Variants in DSCAML1 observed in about 807,000 individuals in gnomAD.
DSCAML1 encodes cell adhesion molecule DSCAML1.
A neutral mutation model predicts 200.5 loss-of-function variants in DSCAML1; 38 were observed. That is an observed-to-expected ratio of 0.19 (90% CI 0.15 to 0.25). The LOEUF (loss-of-function observed/expected upper bound fraction) is 0.25. Ranked by LOEUF, DSCAML1 falls within the 10% of genes least tolerant of loss-of-function variation. DSCAML1 has a pLI of 1.00. For synonymous variants in DSCAML1, 1,215 were observed against 1,165.0 expected, an observed-to-expected ratio of 1.04 and a Z score of -0.87; for missense variants, 2,223 against 2,858.8, an observed-to-expected ratio of 0.78 and a Z score of 5.07.
At chr11:117,769,152 T>A (rs1443030152) in intron 3 of DSCAML1, among the ~76,000 whole-genome samples, 2 of 60,708 alleles carry the variant, frequency 3.3e-5, no homozygotes, top group Non-Finnish European at 6.2e-5. Flanking sequence ...TTATATATAT[T>A]TTATATATAT....
chr11:117,731,293 C>G (rs959638982), intron 3 of DSCAML1, among the ~76,000 whole-genome samples: 1 of 152,162 alleles, frequency 6.6e-6, no homozygotes, highest in Non-Finnish European at 1.5e-5. Flanking sequence ...CTCTGGTTCA[C>G]CTGAGAAGTT....
chr11:117,612,298 C>T (rs1197752418), intron 3 of DSCAML1, among the ~76,000 whole-genome samples: 1 of 152,214 alleles, frequency 6.6e-6, no homozygotes, highest in East Asian at 1.9e-4. Context: ...CTTCAGACTG[C>T]ATTATTCCCA....
At chr11:117,791,517 TG>T (rs1229543880) in intron 1 of DSCAML1, among the ~76,000 whole-genome samples, 1 of 152,230 alleles carries the variant, frequency 6.6e-6, no homozygotes, top group Non-Finnish European at 1.5e-5. Context: ...GACCAACCTT[TG>T]CCTCACCTCA....
chr11:117,564,283 T>C (rs548429997), intron 3 of DSCAML1, among the ~76,000 whole-genome samples: 48 of 152,312 alleles, frequency 3.2e-4, no homozygotes, highest in African/African-American at 6.0e-4. Flanking sequence ...GGCCAACTCA[T>C]TGCCTTCCGA....
chr11:117,536,157 C>T (rs886988215), intron 3 of DSCAML1, among the ~76,000 whole-genome samples: 18 of 152,152 alleles, frequency 1.2e-4, no homozygotes, highest in African/African-American at 3.6e-4. Context: ...TGATGTTAGT[C>T]CCCTTGGGGG....
intron 3 of DSCAML1, among the ~76,000 whole-genome samples, chr11:117,601,907 T>C (rs1591311214): frequency 6.6e-6 from 1 of 152,222 alleles, no homozygotes; most frequent in Non-Finnish European, 1.5e-5. Context: ...CAGCTGAGTA[T>C]CATCTCTCCT....
At chr11:117,797,590 G>GGGCC, upstream of DSCAML1, among the ~76,000 whole-genome samples, 1 of 150,278 alleles carries the variant, frequency 6.7e-6, no homozygotes, top group African/African-American at 2.4e-5. Context: ...AGCTTACCCG[G>GGGCC]CCCCCCCACC....
rs1565666662 is a variant in DSCAML1 at position 117,428,544 on chromosome 11, G to A, written c.5946C>T (p.Gly1982=). ...RTLAMPAPPA[G]TAPPAPGPTP... ...TGGGGCCGGGGGCTGGGGGGGCTGTGCCGGCTGGGGGGGCTGGCATGGCCA... is the reference window on the plus strand; with the variant it reads ...TGGGGCCGGGGGCTGGGGGGGCTGTACCGGCTGGGGGGGCTGGCATGGCCA... The change falls in exon 33 of 33, where the codon GGC becomes GGT. Residue 1982 remains glycine (G), a synonymous_variant. Coordinates refer to ENST00000651296, the MANE Select transcript of DSCAML1 (RefSeq NM_020693.4). The A allele has an allele frequency of 1.3e-6, 2 of 1,527,464 alleles. No homozygotes were observed. The highest frequency in any genetic ancestry group is 2.4e-5 in the East Asian group (1 of 40,934). The allele number at this position is 1,527,464 out of a possible 1,614,324, so 94.6% of individuals were successfully genotyped here.
intron 3 of DSCAML1, among the ~76,000 whole-genome samples, chr11:117,756,725 G>A (rs1346762381): frequency 1.3e-5 from 2 of 152,064 alleles, no homozygotes; most frequent in African/African-American, 2.4e-5. Flanking sequence ...GGTAGCTGGT[G>A]AAAAACCCGG....
intron 19 of DSCAML1, among the ~76,000 whole-genome samples, chr11:117,453,746 C>CTTTT (rs138176049): frequency 1.4e-4 from 19 of 138,158 alleles, no homozygotes; most frequent in South Asian, 2.4e-4. Context: ...TTCTTTCTTT[C>CTTTT]TTTTTTTTTT....
intron 3 of DSCAML1, among the ~76,000 whole-genome samples, chr11:117,771,455 C>T (rs1729562254): frequency 6.6e-6 from 1 of 152,176 alleles, no homozygotes; most frequent in Admixed American, 6.5e-5. Context: ...AGATCTGTTG[C>T]CCTTCAGAGG....
In DSCAML1 at chr11:117,651,719, A is replaced by T. The variant is rs556005674; in HGVS notation, c.512-119197T>A. On this transcript the variant is annotated intron_variant, in intron 3 of 32. Coordinates refer to ENST00000651296, the MANE Select transcript of DSCAML1 (RefSeq NM_020693.4). ...AGAGCAAGACTCTGTCTCAAAAAAA[A>T]AAAAAAAAAAAAAAAAAAAGAATGA... Among the ~76,000 whole-genome samples, 254 of 145,798 alleles carry T rather than the reference A, an allele frequency of 1.7e-3. 2 individuals are homozygous for T. The highest frequency in any genetic ancestry group is 6.6e-3 in the African/African-American group (243 of 36,570).
chr11:117,803,348 C>T (rs189706900), intron 1 of DSCAML1, among the ~76,000 whole-genome samples: 7 of 151,880 alleles, frequency 4.6e-5, no homozygotes, highest in East Asian at 3.9e-4. Flanking sequence ...GCAGAAGTAA[C>T]GTAAAAAAAT....
chr11:117,522,583 G>A (rs1426185003), intron 5 of DSCAML1, among the ~76,000 whole-genome samples: 1 of 152,186 alleles, frequency 6.6e-6, no homozygotes, highest in African/African-American at 2.4e-5. Context: ...CATGTGGGCC[G>A]AGTGCAGCCA....
At chr11:117,803,585 CCTAAGCTTCCAGCCCTCAATGGT>C (rs60021226) in intron 1 of DSCAML1, among the ~76,000 whole-genome samples, 22,198 of 151,938 alleles carry the variant, frequency 0.15, 1,854 homozygotes, top group African/African-American at 0.23. Context: ...CTTAGTGAGG[CCTAAGCTTCCAGCCCTCAATGGT>C]CTAAGCTTCC....
Position 117,780,813 on chromosome 11 carries a change from G to T in DSCAML1, c.47-3C>A. 1 of 1,432,918 alleles carries T rather than the reference G, an allele frequency of 7.0e-7. No homozygotes were observed. The highest frequency in any genetic ancestry group is 9.1e-7 in the Non-Finnish European group (1 of 1,095,378). 88.8% of individuals were successfully genotyped at this position (1,432,918 alleles called of 1,614,324 possible). On this transcript the variant is annotated splice_polypyrimidine_tract_variant and splice_region_variant and intron_variant, in intron 1 of 32. Coordinates refer to ENST00000651296, the MANE Select transcript of DSCAML1 (RefSeq NM_020693.4). The surrounding 1 kb of genome is among the most constrained non-coding windows in gnomAD (Gnocchi z 4.8). Reference sequence around the variant, plus strand: ...GGTGCCAACATCTTCAGGGCGGGCTGCAGGAGAGGCAAGGGGAGAGACTTG... The same window carrying T: ...GGTGCCAACATCTTCAGGGCGGGCTTCAGGAGAGGCAAGGGGAGAGACTTG...
intron 1 of DSCAML1, among the ~76,000 whole-genome samples, chr11:117,796,499 C>T (rs949312908): frequency 6.6e-6 from 1 of 152,264 alleles, no homozygotes; most frequent in Admixed American, 6.5e-5. Flanking sequence ...CCCCACCCTG[C>T]CTCCAGCCAA....
At chr11:117,543,801 GTTT>G (rs55730750) in intron 3 of DSCAML1, among the ~76,000 whole-genome samples, 16 of 146,640 alleles carry the variant, frequency 1.1e-4, no homozygotes, top group African/African-American at 4.1e-4. Flanking sequence ...TTATAGGGCA[GTTT>G]TTTTTTTGTT....
intron 3 of DSCAML1, among the ~76,000 whole-genome samples, chr11:117,688,687 C>T (rs1591401965): frequency 6.6e-6 from 1 of 152,226 alleles, no homozygotes; most frequent in Non-Finnish European, 1.5e-5. Context: ...CCCACCTTAC[C>T]TGCCTTAAAG....
Sources: allele counts gnomAD v4.1 joint callset (sites outside exome capture counted in the v4.1 genomes callset), GRCh38; gene constraint gnomAD v4.1.1; non-coding constraint Gnocchi (gnomAD v3.1); transcripts MANE v1.5; gene names NCBI Gene and HGNC (gene_info 2026-07-23, HGNC 2026-07-21).